Variants in RBMS1 observed in about 807,000 individuals in gnomAD.
RBMS1 encodes the protein RNA binding motif single stranded interacting protein 1.
Under a neutral mutation model 62.3 loss-of-function variants are expected in RBMS1, and 17 were observed. That is an observed-to-expected ratio of 0.27 (90% CI 0.19 to 0.41). The LOEUF (loss-of-function observed/expected upper bound fraction) is 0.41. RBMS1 is among the 10% of genes least tolerant of loss of function. RBMS1 has a pLI of 1.00. For synonymous variants in RBMS1, 172 were observed against 170.0 expected, an observed-to-expected ratio of 1.01 and a Z score of -0.09; for missense variants, 334 against 504.5, an observed-to-expected ratio of 0.66 and a Z score of 3.24.
intron 1 of RBMS1, among the ~76,000 whole-genome samples, chr2:160,425,118 G>A (rs2105276088): frequency 6.6e-6 from 1 of 152,270 alleles, no homozygotes; most frequent in Non-Finnish European, 1.5e-5. Context: ...TCCTGCCAGT[G>A]TGGCTGCTTA....
intron 1 of RBMS1, among the ~76,000 whole-genome samples, chr2:160,397,524 C>T (rs902683746): frequency 2.7e-4 from 41 of 152,140 alleles, no homozygotes; most frequent in African/African-American, 9.4e-4. Flanking sequence ...CCTACAAACA[C>T]AGATGCTGAA....
At chr2:160,380,838 C>T (rs909850809) in intron 1 of RBMS1, among the ~76,000 whole-genome samples, 8 of 152,208 alleles carry the variant, frequency 5.3e-5, no homozygotes, top group African/African-American at 1.9e-4. Flanking sequence ...AGCCACTCTG[C>T]TCTTCCCCGC....
At chr2:160,376,836 T>G (rs1390166546) in intron 1 of RBMS1, among the ~76,000 whole-genome samples, 1 of 150,568 alleles carries the variant, frequency 6.6e-6, no homozygotes, top group Non-Finnish European at 1.5e-5. Context: ...AATAAAAACT[T>G]TCTTTGTAGA....
chr2:160,303,254 A>T, intron 5 of RBMS1, 76 bp downstream of exon 5: 1 of 1,416,296 alleles, frequency 7.1e-7, no homozygotes, highest in Non-Finnish European at 9.5e-7. Flanking sequence ...GTCTCTTCTT[A>T]GTCATTTTTA....
At chr2:160,389,063 CT>C (rs1364286618) in intron 1 of RBMS1, among the ~76,000 whole-genome samples, 1 of 152,230 alleles carries the variant, frequency 6.6e-6, no homozygotes, top group Non-Finnish European at 1.5e-5. Context: ...ACCCAACGAC[CT>C]CATTTTAATC....
At chr2:160,292,132 A>G (rs193055197) in intron 6 of RBMS1, among the ~76,000 whole-genome samples, 2 of 152,308 alleles carry the variant, frequency 1.3e-5, no homozygotes, top group East Asian at 3.9e-4. Context: ...CAACTGCTAT[A>G]GTGGTGGGTG....
At chr2:160,319,171 T>C (rs1311443981) in intron 2 of RBMS1, among the ~76,000 whole-genome samples, 1 of 152,122 alleles carries the variant, frequency 6.6e-6, no homozygotes, top group Non-Finnish European at 1.5e-5. Flanking sequence ...CTTCTAAAAA[T>C]TGAGGAAAAA....
intron 6 of RBMS1, among the ~76,000 whole-genome samples, chr2:160,293,996 A>G (rs910098573): frequency 3.4e-4 from 52 of 152,328 alleles, no homozygotes; most frequent in African/African-American, 1.2e-3. Context: ...TTTATCAAGC[A>G]AGTATTAAGT....
chr2:160,493,156 T>G, intron 1 of RBMS1, 133 bp downstream of exon 1: 1 of 864,136 alleles, frequency 1.2e-6, no homozygotes, highest in Non-Finnish European at 1.8e-6. Flanking sequence ...GCCAGCGCTA[T>G]AGTTAGCAAC....
chr2:160,325,918 T>G (rs1175568861), intron 2 of RBMS1, among the ~76,000 whole-genome samples: 1 of 152,222 alleles, frequency 6.6e-6, no homozygotes, highest in African/African-American at 2.4e-5. Context: ...ATGTTTCTAC[T>G]TCCAAGACAC....
At chr2:160,420,837 T>C (rs1248004979) in intron 1 of RBMS1, among the ~76,000 whole-genome samples, 2 of 152,222 alleles carry the variant, frequency 1.3e-5, no homozygotes, top group African/African-American at 4.8e-5. Flanking sequence ...TACAACTTTC[T>C]CTGCTATAAA....
intron 1 of RBMS1, among the ~76,000 whole-genome samples, chr2:160,371,042 C>T (rs1339626712): frequency 1.3e-5 from 2 of 152,144 alleles, no homozygotes; most frequent in African/African-American, 4.8e-5. Context: ...CATATTACTG[C>T]TAAACATTAG....
intron 1 of RBMS1, among the ~76,000 whole-genome samples, chr2:160,439,235 G>A (rs564185624): frequency 5.3e-5 from 8 of 151,434 alleles, no homozygotes; most frequent in African/African-American, 7.3e-5. Flanking sequence ...GCTGCCGGAC[G>A]GAGACGCTCC....
At chr2:160,462,848 G>A (rs1326627716) in intron 1 of RBMS1, among the ~76,000 whole-genome samples, 5 of 150,324 alleles carry the variant, frequency 3.3e-5, no homozygotes, top group South Asian at 2.1e-4. Flanking sequence ...CACCCGCCTC[G>A]GTCCCCCAAA....
chr2:160,441,794 C>T (rs1322614988), intron 1 of RBMS1, among the ~76,000 whole-genome samples: 1 of 152,176 alleles, frequency 6.6e-6, no homozygotes, highest in Non-Finnish European at 1.5e-5. Flanking sequence ...TTAAGAATAC[C>T]AAGTGCTATA....
intron 3 of RBMS1, among the ~76,000 whole-genome samples, chr2:160,317,527 T>A (rs1690291351): frequency 6.6e-6 from 1 of 152,128 alleles, no homozygotes; most frequent in Non-Finnish European, 1.5e-5. Flanking sequence ...TTCCAGCTCA[T>A]GGGGCTGGAT....
chr2:160,337,678 C>A (rs1003410919), intron 2 of RBMS1, among the ~76,000 whole-genome samples: 1 of 152,052 alleles, frequency 6.6e-6, no homozygotes, highest in Non-Finnish European at 1.5e-5. Flanking sequence ...AGGGGAACCA[C>A]ATATTTATTC....
intron 12 of RBMS1, 91 bp downstream of exon 12, chr2:160,277,212 G>A: frequency 8.5e-7 from 1 of 1,176,784 alleles, no homozygotes; most frequent in South Asian, 1.3e-5. Context: ...GCAAATATTT[G>A]ACGTCTGGTA....
chr2:160,489,684 A>G (rs1035026949), intron 1 of RBMS1, among the ~76,000 whole-genome samples: 7 of 152,140 alleles, frequency 4.6e-5, no homozygotes, highest in Non-Finnish European at 7.4e-5. Flanking sequence ...AATGGCGTAA[A>G]AACAAAATTG....
Sources: gnomAD v4.1 joint callset for allele counts (sites outside exome capture counted in the v4.1 genomes callset) on GRCh38, gnomAD v4.1.1 for gene constraint, MANE v1.5 for transcripts, NCBI Gene and HGNC (gene_info 2026-07-23, HGNC 2026-07-21) for gene names.